Variants in GPR161 observed in about 807,000 individuals in gnomAD.
GPR161 encodes G-protein coupled receptor RE2.
GPR161 carries 25 observed loss-of-function variants against 39.2 expected under a neutral mutation model. The observed-to-expected ratio is 0.64, with a 90% CI of 0.47 to 0.89. The LOEUF is 0.89. Ranked by LOEUF, GPR161 falls within the 40% of genes least tolerant of loss-of-function variation. GPR161 has a pLI of 0.00. For missense variants in GPR161, 547 were observed against 677.8 expected (o/e 0.81, Z 2.14); for synonymous variants, 286 against 276.6 (o/e 1.03, Z -0.34).
intron 1 of GPR161, among the ~76,000 whole-genome samples, chr1:168,110,309 C>A (rs1022860596): frequency 1.3e-5 from 2 of 151,608 alleles, no homozygotes; most frequent in South Asian, 4.2e-4. Context: ...TTCGAGACCA[C>A]CCAGGGAAAT....
chr1:168,113,075 G>A (rs555528505), intron 1 of GPR161, among the ~76,000 whole-genome samples: 2 of 152,278 alleles, frequency 1.3e-5, no homozygotes, highest in East Asian at 3.9e-4. Context: ...AAGAACAAGA[G>A]AAGTGGTTTG....
rs549698159 is a variant in GPR161, at chr1:168,136,213, G to A, written c.-45+526C>T. The A allele has an allele frequency of 1.1e-5, 14 of 1,282,010 alleles. No individual in the cohort carries two copies. In the East Asian group the frequency reaches 2.5e-4, roughly 23 times the overall value. 79.4% of individuals were successfully genotyped at this position (1,282,010 alleles called of 1,614,324 possible). On this transcript the variant is annotated intron_variant, in intron 1 of 5. Coordinates refer to ENST00000682931, the MANE Select transcript of GPR161 (RefSeq NM_001375883.1). The stretch of plus-strand genomic sequence containing the variant: ...CGCCACCCGCCGCCCGCCCAGGCTC[G>A]GGGAGACAGCGCCCTGAGTCCCGGC...
intron 1 of GPR161, among the ~76,000 whole-genome samples, chr1:168,114,056 A>G (rs1009675307): frequency 5.9e-5 from 9 of 152,252 alleles, no homozygotes; most frequent in Non-Finnish European, 1.3e-4. Flanking sequence ...ACTGCTTTGC[A>G]TGGTAATATC....
intron 1 of GPR161, among the ~76,000 whole-genome samples, chr1:168,111,567 G>A (rs756073370): frequency 1.2e-4 from 18 of 152,216 alleles, no homozygotes; most frequent in Non-Finnish European, 2.4e-4. Flanking sequence ...TTAGGGATGC[G>A]AAGCCAACAT....
At chr1:168,117,933 G>T (rs2102220503) in intron 1 of GPR161, among the ~76,000 whole-genome samples, 1 of 152,286 alleles carries the variant, frequency 6.6e-6, no homozygotes, top group Middle Eastern at 3.4e-3. Flanking sequence ...GATGTAGTAA[G>T]TATAAAGCAT....
chr1:168,123,114 C>T (rs1698311836), intron 1 of GPR161, among the ~76,000 whole-genome samples: 1 of 152,122 alleles, frequency 6.6e-6, no homozygotes, highest in Non-Finnish European at 1.5e-5. Context: ...TCAAAAGAAC[C>T]CTGATTTCAC....
At position 168,084,896 on chromosome 1, in the gene GPR161, A is replaced by T; in HGVS notation, c.*635T>A. Reference sequence around the variant, plus strand: ...AAGTAGGCAGGGTGGGCCAGTCTGCAAGAGGCCTGTGGCTGTCCCTATTAG... The same window carrying T: ...AAGTAGGCAGGGTGGGCCAGTCTGCTAGAGGCCTGTGGCTGTCCCTATTAG... On this transcript the variant is annotated 3_prime_UTR_variant, in exon 6 of 6. Coordinates refer to ENST00000682931, the MANE Select transcript of GPR161 (RefSeq NM_001375883.1). 2.2e-6 allele frequency: 1 copy of T among 456,286 alleles called. No homozygotes were observed. Among genetic ancestry groups the T allele is most frequent in the African/African-American group, 2.0e-5 (1 of 50,204 alleles). The allele number at this position is 456,286 out of a possible 1,614,324, so 28.3% of individuals were successfully genotyped here.
At position 168,082,393 on chromosome 1, in the gene GPR161, C is replaced by G. The variant is rs1224450602; in HGVS notation, c.*3138G>C. On this transcript the variant is annotated 3_prime_UTR_variant, in exon 6 of 6. Transcript: ENST00000682931. ...GTGCCCAGCCAGAGGCAAACAAGCT[C>G]TCAGGTTCATCCTTGGCTCTGCACA... The G allele has an allele frequency of 6.6e-6, 1 of 152,254 alleles. No individual in the cohort carries two copies. Among genetic ancestry groups the G allele is most frequent in the Admixed American group, 6.5e-5 (1 of 15,282 alleles). 9.4% of individuals were successfully genotyped at this position (152,254 alleles called of 1,614,324 possible).
rs1322994014 is a variant in GPR161, at chr1:168,097,201, G to A, written c.406C>T (p.Pro136Ser). ...YYAVLYPMVY[P>S]MKITGNRAVM... The stretch of plus-strand genomic sequence containing the variant: ...GCCCGGTTCCCTGTGATCTTCATGG[G>A]GTACACCATGGGGTACAGGACAGCA... Residue 136 changes from proline (P) to serine (S), a missense_variant, in exon 3 of 6, where the codon CCC becomes TCC. Physicochemically the swap from Pro to Ser is moderately conservative, Grantham distance 74 (BLOSUM62 -1). Coordinates refer to ENST00000682931, the MANE Select transcript of GPR161 (RefSeq NM_001375883.1). 4 of 1,613,154 alleles carry A rather than the reference G, an allele frequency of 2.5e-6. No individual in the cohort carries two copies. Among genetic ancestry groups the A allele is most frequent in the Admixed American group, 1.7e-5 (1 of 60,000 alleles).
intron 3 of GPR161, among the ~76,000 whole-genome samples, chr1:168,096,199 G>A (rs1695521466): frequency 6.6e-6 from 1 of 151,442 alleles, no homozygotes; most frequent in South Asian, 2.1e-4. Flanking sequence ...GAGGCCAGAG[G>A]GCCAGGGCTG....
rs1463922784 is a variant in GPR161 at position 168,097,157 on chromosome 1, G to A, written c.450C>T (p.Tyr150=). The change falls in exon 3 of 6, where the codon TAC becomes TAT. Residue 150 remains tyrosine (Y), a synonymous_variant. Coordinates refer to ENST00000682931, the MANE Select transcript of GPR161 (RefSeq NM_001375883.1). Reference sequence around the variant, plus strand: ...AGCCGATGAGCGAGTGAAGCCAGATGTAGACAAGTGCCATCACAGCCCGGT... The same window carrying A: ...AGCCGATGAGCGAGTGAAGCCAGATATAGACAAGTGCCATCACAGCCCGGT... ...TGNRAVMALV[Y]IWLHSLIGCL... The A allele has an allele frequency of 2.5e-6, 4 of 1,614,016 alleles. No homozygotes were observed. The highest frequency in any genetic ancestry group is 3.4e-6 in the Non-Finnish European group (4 of 1,180,046).
intron 5 of GPR161, 34 bp downstream of exon 5, chr1:168,087,551 T>A: frequency 6.2e-7 from 1 of 1,612,638 alleles, no homozygotes; most frequent in Non-Finnish European, 8.5e-7. Flanking sequence ...CGTTTCCCTA[T>A]GTTTTCTTGA....
intron 1 of GPR161, among the ~76,000 whole-genome samples, chr1:168,111,286 G>A (rs1178974977): frequency 6.6e-6 from 1 of 152,168 alleles, no homozygotes; most frequent in Non-Finnish European, 1.5e-5. Context: ...CCTCCTCCAA[G>A]TGCCTCAGAG....
intron 2 of GPR161, among the ~76,000 whole-genome samples, chr1:168,103,770 C>T (rs562052856): frequency 6.6e-6 from 1 of 152,204 alleles, no homozygotes; most frequent in Non-Finnish European, 1.5e-5. Flanking sequence ...CTGTGATGAA[C>T]GCAGTGGCCA....
chr1:168,122,610 C>T (rs186854589), intron 1 of GPR161, among the ~76,000 whole-genome samples: 16 of 152,278 alleles, frequency 1.1e-4, no homozygotes, highest in African/African-American at 7.2e-5. Context: ...ATAAAAATTA[C>T]CTTTGATTCT....
intron 3 of GPR161, among the ~76,000 whole-genome samples, chr1:168,095,565 G>C (rs760220253): frequency 6.6e-6 from 1 of 152,208 alleles, no homozygotes; most frequent in Admixed American, 6.5e-5. Flanking sequence ...TGTGCACACC[G>C]GATCAGTCAT....
chr1:168,093,214 A>G (rs1434461961), intron 3 of GPR161, among the ~76,000 whole-genome samples: 1 of 152,152 alleles, frequency 6.6e-6, no homozygotes, highest in East Asian at 1.9e-4. Flanking sequence ...ACCTCCAGGA[A>G]GTCCAGAGAT....
chr1:168,108,561 A>C (rs942225328), intron 1 of GPR161, among the ~76,000 whole-genome samples: 1 of 150,408 alleles, frequency 6.6e-6, no homozygotes, highest in Non-Finnish European at 1.5e-5. Context: ...TACACACACA[A>C]ATATATATAA....
intron 5 of GPR161, among the ~76,000 whole-genome samples, chr1:168,086,600 G>T (rs1197249003): frequency 6.6e-6 from 1 of 152,172 alleles, no homozygotes; most frequent in Non-Finnish European, 1.5e-5. Flanking sequence ...GCACCACCTG[G>T]AGGGTGCCTT....
Sources: allele counts gnomAD v4.1 joint callset (sites outside exome capture counted in the v4.1 genomes callset), GRCh38; gene constraint gnomAD v4.1.1; transcripts MANE v1.5; gene names NCBI Gene and HGNC (gene_info 2026-07-23, HGNC 2026-07-21).